Variants in CABP1 observed in about 807,000 individuals in gnomAD.
The protein encoded by CABP1 is calcium binding protein 1.
Under a neutral mutation model 34.3 loss-of-function variants are expected in CABP1, and 17 were observed. The observed-to-expected ratio is 0.50, with a 90% CI of 0.34 to 0.74. CABP1 has a LOEUF of 0.74. Among genes scored for constraint, CABP1 ranks in the 30% least tolerant of loss-of-function variants. The pLI is 0.01. For synonymous variants in CABP1, 198 were observed against 229.2 expected, an observed-to-expected ratio of 0.86 and a Z score of 1.23; for missense variants, 373 against 511.1, an observed-to-expected ratio of 0.73 and a Z score of 2.61.
At chr12:120,674,173 G>A in the CABP1 span, among the ~76,000 whole-genome samples, 22 of 152,210 alleles carry the variant, frequency 1.4e-4, no homozygotes, top group African/African-American at 5.1e-4. Flanking sequence ...GATGGAACGA[G>A]GCCATATCTC....
intron 1 of CABP1, among the ~76,000 whole-genome samples, chr12:120,642,622 G>A (rs1879387204): frequency 1.3e-5 from 2 of 152,122 alleles, no homozygotes; most frequent in South Asian, 2.1e-4. Context: ...ATGCAGAGCC[G>A]TGAGAGTTAG....
chr12:120,651,546 G>A (rs1005393334), intron 1 of CABP1, among the ~76,000 whole-genome samples: 10 of 152,166 alleles, frequency 6.6e-5, no homozygotes, highest in East Asian at 1.9e-4. Flanking sequence ...GAATGATGGC[G>A]TTGTTTTCCT....
chr12:120,654,860 G>A (rs1269826602), intron 1 of CABP1, among the ~76,000 whole-genome samples: 2 of 152,232 alleles, frequency 1.3e-5, no homozygotes, highest in African/African-American at 4.8e-5. Flanking sequence ...GCGGAGGATC[G>A]GCTGGTCAGG....
Position 120,641,350 on chromosome 12 carries a change from C to A in CABP1, c.654+11C>A. 7.9e-7 allele frequency: 1 copy of A among 1,270,708 alleles called. No homozygotes were observed. Among genetic ancestry groups the A allele is most frequent in the Non-Finnish European group, 9.9e-7 (1 of 1,007,850 alleles). 78.7% of individuals were successfully genotyped at this position (1,270,708 alleles called of 1,614,324 possible). On this transcript the variant is annotated intron_variant, in intron 1 of 5. Coordinates refer to ENST00000316803, the MANE Select transcript of CABP1 (RefSeq NM_001033677.2). This position sits in a 1 kb window ranked among gnomAD's most constrained non-coding sequence, Gnocchi z 6.7. ...TCCGCCTTTGGCCAGGTAAGGGCCGCGCCTCCCGTCAGCGCTCCCGGGAAA... is the reference window on the plus strand; with the variant it reads ...TCCGCCTTTGGCCAGGTAAGGGCCGAGCCTCCCGTCAGCGCTCCCGGGAAA...
At chr12:120,646,778 G>T (rs988976116) in intron 1 of CABP1, among the ~76,000 whole-genome samples, 1 of 152,176 alleles carries the variant, frequency 6.6e-6, no homozygotes, top group Admixed American at 6.5e-5. Flanking sequence ...CTCTTGAAGT[G>T]CTGGGATTAC....
chr12:120,653,551 T>A (rs990618018), intron 1 of CABP1, among the ~76,000 whole-genome samples: 2 of 152,190 alleles, frequency 1.3e-5, no homozygotes, highest in African/African-American at 2.4e-5. Context: ...TTTTTGTGGT[T>A]TTGAGATGGA....
chr12:120,656,354 A>G, intron 1 of CABP1: 2 of 1,307,858 alleles, frequency 1.5e-6, no homozygotes, highest in Non-Finnish European at 2.0e-6. Flanking sequence ...AGGGGTCTAT[A>G]CAGAGCTCAC....
intron 1 of CABP1, among the ~76,000 whole-genome samples, chr12:120,647,233 G>T (rs545061872): frequency 2.1e-4 from 32 of 152,258 alleles, no homozygotes; most frequent in African/African-American, 7.5e-4. Context: ...GCTTGGCACA[G>T]TGCCAAGCCC....
At chr12:120,679,769 G>T in the CABP1 span, among the ~76,000 whole-genome samples, 1 of 152,158 alleles carries the variant, frequency 6.6e-6, no homozygotes, top group East Asian at 1.9e-4. Context: ...GGAGGTTGCG[G>T]TGAGTTGAGA....
At chr12:120,650,666 GA>G (rs761875243) in intron 1 of CABP1, 1 of 1,614,144 alleles carries the variant, frequency 6.2e-7, no homozygotes, top group South Asian at 1.1e-5. Context: ...TATCCACTGA[GA>G]AATCTCTCAA....
chr12:120,650,001 GTGTT>G (rs1168281292), intron 1 of CABP1: 2 of 150,808 alleles, frequency 1.3e-5, no homozygotes, highest in Non-Finnish European at 2.9e-5. Context: ...ATGTGTGTGT[GTGTT>G]TGTGCGCGCG....
At chr12:120,670,868 T>C (rs1239826737), downstream of CABP1, among the ~76,000 whole-genome samples, 2 of 152,208 alleles carry the variant, frequency 1.3e-5, no homozygotes, top group African/African-American at 4.8e-5. Context: ...TTGATGTTTA[T>C]TGAGCTCCTA....
chr12:120,662,641 G>A (rs1423831027), intron 5 of CABP1, among the ~76,000 whole-genome samples: 5 of 149,570 alleles, frequency 3.3e-5, no homozygotes, highest in Non-Finnish European at 4.4e-5. Context: ...GATTACAGGC[G>A]TGAGCCACTG....
downstream of CABP1, among the ~76,000 whole-genome samples, chr12:120,668,379 T>C (rs1217393804): frequency 2.0e-5 from 3 of 152,134 alleles, no homozygotes; most frequent in African/African-American, 7.2e-5. Flanking sequence ...GAGTCCCAGC[T>C]TCAGGAGAAT....
At chr12:120,654,492 A>C (rs1024931119) in intron 1 of CABP1, among the ~76,000 whole-genome samples, 1 of 152,156 alleles carries the variant, frequency 6.6e-6, no homozygotes. Context: ...ATCTGACTGC[A>C]AGTAGAATGC....
Position 120,661,203 on chromosome 12 carries a change from C to T in CABP1, c.1072C>T (p.Arg358Ter), listed in dbSNP as rs1197561621. The T allele has an allele frequency of 1.9e-6, 3 of 1,608,446 alleles. No individual in the cohort carries two copies. The highest frequency in any genetic ancestry group is 1.7e-5 in the Admixed American group (1 of 59,728). ...IRDVDLNGDG[R>*]VDFEEFVRMM... Reference sequence around the variant, plus strand: ...AGATGTGGACCTCAATGGGGATGGACGAGTGGACTTTGAAGGTAGGTGGGG... The same window carrying T: ...AGATGTGGACCTCAATGGGGATGGATGAGTGGACTTTGAAGGTAGGTGGGG... Residue 358 changes from arginine to a stop codon, truncating the protein, a stop_gained, in exon 5 of 6, where the codon CGA (arginine) becomes TGA (stop). Transcript: ENST00000316803. LOFTEE classifies it high-confidence loss of function. The surrounding 1 kb of genome is among the most constrained non-coding windows in gnomAD (Gnocchi z 5.1).
the CABP1 span, among the ~76,000 whole-genome samples, chr12:120,674,761 C>A: frequency 1.3e-5 from 2 of 151,748 alleles, no homozygotes; most frequent in African/African-American, 2.4e-5. Flanking sequence ...CATGGTGGTG[C>A]GCACCTGCAG....
chr12:120,650,490 C>T (rs1879775548), intron 1 of CABP1: 3 of 1,521,718 alleles, frequency 2.0e-6, no homozygotes, highest in East Asian at 4.5e-5. Context: ...AGCACGCGCG[C>T]AAGAGAGGGC....
intron 5 of CABP1, among the ~76,000 whole-genome samples, chr12:120,666,061 C>T (rs1278393428): frequency 2.7e-5 from 4 of 146,654 alleles, no homozygotes; most frequent in Admixed American, 6.8e-5. Flanking sequence ...GGGCTGGGCA[C>T]GGTGGCCACA....
Sources: allele counts gnomAD v4.1 joint callset (sites outside exome capture counted in the v4.1 genomes callset), GRCh38; gene constraint gnomAD v4.1.1; non-coding constraint Gnocchi (gnomAD v3.1); transcripts MANE v1.5; gene names NCBI Gene and HGNC (gene_info 2026-07-23, HGNC 2026-07-21).